The following RINL variants were observed in gnomAD, a reference collection of about 807,000 sequenced individuals.
RINL encodes the protein ras and Rab interactor-like protein.
RINL carries 39 observed loss-of-function variants against 58.1 expected under a neutral mutation model. The observed-to-expected ratio is 0.67, with a 90% CI of 0.52 to 0.88. The LOEUF (loss-of-function observed/expected upper bound fraction) is 0.88. Among genes scored for constraint, RINL ranks in the 40% least tolerant of loss-of-function variants. RINL has a pLI of 0.00. For synonymous variants in RINL, 286 were observed against 323.1 expected, an observed-to-expected ratio of 0.89 and a Z score of 1.23; for missense variants, 711 against 749.2, an observed-to-expected ratio of 0.95 and a Z score of 0.60.
In RINL at chr19:38,870,772, C is replaced by T; in HGVS notation, c.822G>A (p.Val274=). 1 of 1,613,056 alleles carries T rather than the reference C, an allele frequency of 6.2e-7. No individual in the cohort carries two copies. The highest frequency in any genetic ancestry group is 2.2e-5 in the East Asian group (1 of 44,868). Residue 274 remains valine, a synonymous_variant, in exon 8 of 12, where the codon GTG becomes GTA. Coordinates refer to ENST00000591812, the MANE Select transcript of RINL (RefSeq NM_001195833.2). This position sits in a 1 kb window ranked among gnomAD's most constrained non-coding sequence, Gnocchi z 5.8. ...CCCGAAGGCTTCGGTACTGCCTGGC[C>T]ACGTAGCTGCTCCGGGCCCTGACCA... is the stretch of plus-strand genomic sequence containing the variant. ...QSLVRARSSY[V]ARQYRSLRVR...
rs1419083599 is a variant in RINL at position 38,876,255 on chromosome 19, T to A, written c.210+76A>T. Reference sequence around the variant, plus strand: ...TAGCCTTTTTGGTTTGCCCAATTTGTGTCATGTTTGTCACTAGTAACCAGC... The same window carrying A: ...TAGCCTTTTTGGTTTGCCCAATTTGAGTCATGTTTGTCACTAGTAACCAGC... On this transcript the variant is annotated intron_variant, in intron 3 of 11. Coordinates refer to ENST00000591812, the MANE Select transcript of RINL (RefSeq NM_001195833.2). 18 of 1,408,638 alleles carry A rather than the reference T, an allele frequency of 1.3e-5. No individual in the cohort carries two copies. In the East Asian group the frequency reaches 3.0e-4, roughly 24 times the overall value. The allele number at this position is 1,408,638 out of a possible 1,614,324, so 87.3% of individuals were successfully genotyped here.
chr19:38,876,342 A>G lies in RINL; in HGVS notation c.199T>C (p.Trp67Arg). 2.0e-6 allele frequency: 3 copies of G among 1,536,048 alleles called. No individual in the cohort carries two copies. Among genetic ancestry groups the G allele is most frequent in the Non-Finnish European group, 8.7e-7 (1 of 1,146,840 alleles). ...TQDAEALVGL[W>R]PLGSFLVTGR... Reference sequence around the variant, plus strand: ...CTGTGAGTACTCACCCCTAGTGGCCACAGCCCCACAAGGGCCTCCGCATCC... The same window carrying G: ...CTGTGAGTACTCACCCCTAGTGGCCGCAGCCCCACAAGGGCCTCCGCATCC... The change falls in exon 3 of 12, where the codon TGG becomes CGG. Residue 67 changes from tryptophan to arginine, a missense_variant. Coordinates refer to ENST00000591812, the MANE Select transcript of RINL (RefSeq NM_001195833.2).
chr19:38,869,445 C>G lies in RINL; in HGVS notation c.1475-35G>C, dbSNP rs763029450. The stretch of plus-strand genomic sequence containing the variant: ...GAAAGGGAAGTCAGCTCCGCCCTCT[C>G]GGCTTCCCTGGTCGCCCCAAATCCC... On this transcript the variant is annotated intron_variant, in intron 10 of 11. Coordinates refer to ENST00000591812, the MANE Select transcript of RINL (RefSeq NM_001195833.2). The surrounding 1 kb of genome is among the most constrained non-coding windows in gnomAD (Gnocchi z 5.7). 2.5e-6 allele frequency: 4 copies of G among 1,576,220 alleles called. No individual in the cohort carries two copies. In the East Asian group the frequency reaches 6.7e-5, roughly 27 times the overall value.
rs1972778177 is a variant in RINL, at chr19:38,870,309, C to T, written c.1025-49G>A. On this transcript the variant is annotated intron_variant, in intron 8 of 11. Coordinates refer to ENST00000591812, the MANE Select transcript of RINL (RefSeq NM_001195833.2). The surrounding 1 kb of genome is among the most constrained non-coding windows in gnomAD (Gnocchi z 5.8). ...AGCACAGGACCGCCAAGTTGTCCCACGCCCACCCACGCGCTCCAACAACCC... is the reference window on the plus strand; with the variant it reads ...AGCACAGGACCGCCAAGTTGTCCCATGCCCACCCACGCGCTCCAACAACCC... 2.3e-6 allele frequency: 3 copies of T among 1,326,826 alleles called. No individual in the cohort carries two copies. The highest frequency in any genetic ancestry group is 5.7e-5 in the East Asian group (2 of 34,872). 82.2% of individuals were successfully genotyped at this position (1,326,826 alleles called of 1,614,324 possible).
Position 38,869,108 on chromosome 19 carries a change from T to A in RINL, c.1697A>T (p.Asn566Ile), listed in dbSNP as rs1163340338. The A allele has an allele frequency of 2.5e-6, 4 of 1,600,112 alleles. No individual in the cohort carries two copies. The East Asian group carries it at 9.0e-5, about 36-fold the overall frequency. Residue 566 changes from asparagine (N) to isoleucine (I), a missense_variant, in exon 12 of 12, where the codon AAC (asparagine) becomes ATC (isoleucine). Asn to Ile is a moderately radical substitution (Grantham distance 149). Coordinates refer to ENST00000591812, the MANE Select transcript of RINL (RefSeq NM_001195833.2). This position sits in a 1 kb window ranked among gnomAD's most constrained non-coding sequence, Gnocchi z 5.7. ...GAACGGAGGGGTGTGAAACCCCTAG[T>A]TGTCACTGGTCCCTGTCACAGTCTC... ...AEETVTGTSDN is the reference protein window; with the variant it reads ...AEETVTGTSDI
In RINL at chr19:38,870,559, C is replaced by T; in HGVS notation, c.1024+11G>A. 3 of 1,543,230 alleles carry T rather than the reference C, an allele frequency of 1.9e-6. No individual in the cohort carries two copies. Among genetic ancestry groups the T allele is most frequent in the South Asian group, 2.5e-5 (2 of 80,080 alleles). On this transcript the variant is annotated intron_variant, in intron 8 of 11. Coordinates refer to ENST00000591812, the MANE Select transcript of RINL (RefSeq NM_001195833.2). The surrounding 1 kb of genome is among the most constrained non-coding windows in gnomAD (Gnocchi z 5.8). ...GAACCCGTGGGGGCTCCCTTCCAGT[C>T]CTCCCATTACCTGGATCCTCGTCCT...
Position 38,869,425 on chromosome 19 carries a change from G to C in RINL, c.1475-15C>G. ...GTAGTACCCAGCTGGGGACAGAAAG[G>C]GAAGTCAGCTCCGCCCTCTCGGCTT... On this transcript the variant is annotated splice_polypyrimidine_tract_variant and intron_variant, in intron 10 of 11. Coordinates refer to ENST00000591812, the MANE Select transcript of RINL (RefSeq NM_001195833.2). This position sits in a 1 kb window ranked among gnomAD's most constrained non-coding sequence, Gnocchi z 5.7. The C allele has an allele frequency of 6.3e-7, 1 of 1,585,226 alleles. No individual in the cohort carries two copies. Among genetic ancestry groups the C allele is most frequent in the East Asian group, 2.2e-5 (1 of 44,488 alleles).
Position 38,868,880 on chromosome 19 carries a change from C to T in RINL, c.*224G>A. ...TTCTGCAGATGTCACCTCAGTGAGGCTTTCTCTGATACGCCTGTCTAAAAC... is the reference window on the plus strand; with the variant it reads ...TTCTGCAGATGTCACCTCAGTGAGGTTTTCTCTGATACGCCTGTCTAAAAC... On this transcript the variant is annotated 3_prime_UTR_variant, in exon 12 of 12. Transcript: ENST00000591812. 6.2e-6 allele frequency: 3 copies of T among 483,756 alleles called. No individual in the cohort carries two copies. Among genetic ancestry groups the T allele is most frequent in the Non-Finnish European group, 7.4e-6 (2 of 269,872 alleles). 30.0% of individuals were successfully genotyped at this position (483,756 alleles called of 1,614,324 possible).
In RINL at chr19:38,871,092, T is replaced by A. The variant is rs1000744889; in HGVS notation, c.587A>T (p.Gln196Leu). 1.0e-5 allele frequency: 16 copies of A among 1,603,620 alleles called. No individual in the cohort carries two copies. The highest frequency in any genetic ancestry group is 1.4e-5 in the Non-Finnish European group (16 of 1,175,244). Residue 196 changes from glutamine to leucine, a missense_variant, in exon 7 of 12, where the codon CAG becomes CTG. Transcript: ENST00000591812. ...GCCCAGCTAACCTGGATCATGTCTC[T>A]GAGCAGCCTCTGGCTCTGTTTCTTG... is the stretch of plus-strand genomic sequence containing the variant. ...TPQETEPEAA[Q>L]RHDPAPRNPA...
chr19:38,877,005 G>A (rs1008121241), intron 1 of RINL, among the ~76,000 whole-genome samples: 5 of 152,268 alleles, frequency 3.3e-5, no homozygotes, highest in East Asian at 1.9e-4. Context: ...CCTCCGCCTC[G>A]TAGGTTCAAG....
intron 4 of RINL, among the ~76,000 whole-genome samples, chr19:38,873,396 T>G (rs1972854184): frequency 6.6e-6 from 1 of 152,116 alleles, no homozygotes; most frequent in African/African-American, 2.4e-5. Flanking sequence ...CTTTGCAGGA[T>G]TTGGGGCAGG....
At chr19:38,875,985 C>A (rs1972915441) in intron 3 of RINL, among the ~76,000 whole-genome samples, 1 of 151,898 alleles carries the variant, frequency 6.6e-6, no homozygotes, top group Non-Finnish European at 1.5e-5. Context: ...CAGTTGAAAG[C>A]AAAGCCAAGA....
chr19:38,869,067 T>C lies in RINL; in HGVS notation c.*37A>G. 1 of 1,531,996 alleles carries C rather than the reference T, an allele frequency of 6.5e-7. No homozygotes were observed. Among genetic ancestry groups the C allele is most frequent in the Non-Finnish European group, 8.8e-7 (1 of 1,133,936 alleles). 94.9% of individuals were successfully genotyped at this position (1,531,996 alleles called of 1,614,324 possible). ...CCTCCCACCTTGGCCTCCCAAAATG[T>C]TGGGATTACAGGCATGAACGGAGGG... On this transcript the variant is annotated 3_prime_UTR_variant, in exon 12 of 12. Coordinates refer to ENST00000591812, the MANE Select transcript of RINL (RefSeq NM_001195833.2). The surrounding 1 kb of genome is among the most constrained non-coding windows in gnomAD (Gnocchi z 5.7).
intron 3 of RINL, 125 bp from the exon 4 acceptor site, chr19:38,874,113 C>T (rs1972869760): frequency 4.7e-6 from 3 of 634,146 alleles, no homozygotes; most frequent in Non-Finnish European, 2.8e-6. Context: ...GGGAAACCCT[C>T]TCCCTACTTT....
At chr19:38,872,604 G>A (rs1972837832) in intron 4 of RINL, among the ~76,000 whole-genome samples, 3 of 152,016 alleles carry the variant, frequency 2.0e-5, no homozygotes, top group African/African-American at 7.2e-5. Flanking sequence ...GCCAGGCATG[G>A]TGACTTACGC....
chr19:38,873,773 G>A (rs1031266483), intron 4 of RINL, 113 bp downstream of exon 4: 4 of 644,120 alleles, frequency 6.2e-6, no homozygotes, highest in Admixed American at 2.5e-5. Flanking sequence ...CGATCCACCC[G>A]CCTCGACCTA....
intron 3 of RINL, among the ~76,000 whole-genome samples, chr19:38,875,592 G>T (rs1052088190): frequency 1.3e-5 from 2 of 151,692 alleles, no homozygotes; most frequent in African/African-American, 2.4e-5. Flanking sequence ...CAGGAGAATC[G>T]CTTGAACCTG....
chr19:38,871,387 T>A (rs1239957826), intron 6 of RINL, 160 bp from the exon 7 acceptor site: 3 of 784,680 alleles, frequency 3.8e-6, no homozygotes, highest in Non-Finnish European at 6.0e-6. Flanking sequence ...AGGCCCCTAG[T>A]CCCCTTCTCA....
rs200371318 is a variant in RINL, at chr19:38,870,001, C to T, written c.1284G>A (p.Ala428=). The change falls in exon 9 of 12, where the codon GCG becomes GCA. Residue 428 remains alanine (A), a synonymous_variant. Transcript: ENST00000591812. The surrounding 1 kb of genome is among the most constrained non-coding windows in gnomAD (Gnocchi z 5.8). ...CATCTCTGCACACCTCCAAGAGGAG[C>T]GCCACCTTGCGGCGCGGGGCGCAGG... ...HAACAPRRKV[A]LLLEVCRDVY... is the part of the protein sequence containing the mutation. The T allele has an allele frequency of 9.5e-6, 15 of 1,586,974 alleles. No homozygotes were observed. Among genetic ancestry groups the T allele is most frequent in the Non-Finnish European group, 1.3e-5 (15 of 1,168,880 alleles).
Sources: allele counts gnomAD v4.1 joint callset (sites outside exome capture counted in the v4.1 genomes callset), GRCh38; gene constraint gnomAD v4.1.1; non-coding constraint Gnocchi (gnomAD v3.1); transcripts MANE v1.5; gene names NCBI Gene and HGNC (gene_info 2026-07-23, HGNC 2026-07-21).